The following COG2 variants were observed in gnomAD, a reference collection of about 807,000 sequenced individuals.
COG2 encodes component of oligomeric golgi complex 2.
In COG2, 52 loss-of-function variants were observed where a neutral mutation model predicts 90.6. The observed-to-expected ratio is 0.57, with a 90% CI of 0.46 to 0.72. COG2 has a LOEUF of 0.72. Ranked by LOEUF, COG2 falls within the 30% of genes least tolerant of loss-of-function variation. The probability of loss-of-function intolerance (pLI) is 0.00; values close to 1 mark genes in which losing one functional copy is unlikely to be tolerated. For missense variants in COG2, 829 were observed against 891.2 expected, an observed-to-expected ratio of 0.93 and a Z score of 0.89; for synonymous variants, 337 against 320.4, an observed-to-expected ratio of 1.05 and a Z score of -0.55.
At chr1:230,683,434 G>T in intron 10 of COG2, 140 bp from the exon 11 acceptor site, 1 of 569,664 alleles carries the variant, frequency 1.8e-6, no homozygotes, top group Non-Finnish European at 3.1e-6. Flanking sequence ...AAAAAAGCCT[G>T]GGAGAATAGG....
chr1:230,691,208 TAC>T (rs1663017491), intron 16 of COG2, among the ~76,000 whole-genome samples, 174 bp from the exon 17 acceptor site: 1 of 152,074 alleles, frequency 6.6e-6, no homozygotes, highest in Non-Finnish European at 1.5e-5. Flanking sequence ...TGTATATATA[TAC>T]ACATATATAT....
chr1:230,683,409 TAAAAAAAAAAA>T (rs5781595), intron 10 of COG2, 154 bp from the exon 11 acceptor site: 3 of 384,962 alleles, frequency 7.8e-6, no homozygotes, highest in East Asian at 9.0e-5. Context: ...CTTGTTCAGT[TAAAAAAAAAAA>T]AAAAAAAAAG....
Position 230,680,704 on chromosome 1 carries a change from G to T in COG2, c.1166+1652G>T, listed in dbSNP as rs560176460. On this transcript the variant is annotated intron_variant, in intron 10 of 17. Coordinates refer to ENST00000366669, the MANE Select transcript of COG2 (RefSeq NM_007357.3). ...AATTCATGAAATTTTAAAAAAACAC[G>T]TTTGAGTTACGGAAGTGTAGAACTT... is the stretch of plus-strand genomic sequence containing the variant. The T allele has an allele frequency of 2.0e-5, 3 of 152,192 alleles. No homozygotes were observed. The East Asian group carries it at 5.8e-4, about 29-fold the overall frequency. The allele number at this position is 152,192 out of a possible 1,614,324, so 9.4% of individuals were successfully genotyped here. A position where few individuals can be genotyped will look rare whatever the true frequency, so the allele number is the denominator to read the frequency against.
intron 1 of COG2, among the ~76,000 whole-genome samples, chr1:230,656,301 G>A (rs1207715660): frequency 6.6e-6 from 1 of 152,104 alleles, no homozygotes; most frequent in East Asian, 1.9e-4. Flanking sequence ...ATTCTGGTAC[G>A]TTGTGTCTTC....
At chr1:230,644,788 T>C (rs951185193) in intron 1 of COG2, among the ~76,000 whole-genome samples, 4 of 152,262 alleles carry the variant, frequency 2.6e-5, no homozygotes, top group Middle Eastern at 3.4e-3. Context: ...CATTGTGGAG[T>C]TACAGTCAGG....
At chr1:230,646,513 C>T (rs896216277) in intron 1 of COG2, among the ~76,000 whole-genome samples, 2 of 152,176 alleles carry the variant, frequency 1.3e-5, no homozygotes, top group Non-Finnish European at 2.9e-5. Flanking sequence ...ATGCTGTGCA[C>T]TTTCCGCAGG....
At chr1:230,691,293 A>G in intron 16 of COG2, 91 bp from the exon 17 acceptor site, 1 of 1,168,904 alleles carries the variant, frequency 8.6e-7, no homozygotes, top group Non-Finnish European at 1.2e-6. Flanking sequence ...TTATCTTAAA[A>G]ATCTCTTTTT....
At chr1:230,687,883 T>G (rs1466179300) in intron 13 of COG2, 188 bp from the exon 14 acceptor site, 1 of 540,704 alleles carries the variant, frequency 1.8e-6, no homozygotes, top group Admixed American at 3.8e-5. Context: ...TGATTTCTCA[T>G]GTTGTTGAAA....
At chr1:230,673,911 T>A (rs566967195) in intron 8 of COG2, among the ~76,000 whole-genome samples, 285 of 152,356 alleles carry the variant, frequency 1.9e-3, no homozygotes, top group Middle Eastern at 3.4e-3. Context: ...TTTAAAAAAA[T>A]TTATTTTAAT....
chr1:230,669,313 T>TA, intron 6 of COG2, 43 bp from the exon 7 acceptor site: 2 of 1,569,778 alleles, frequency 1.3e-6, no homozygotes, highest in South Asian at 2.3e-5. Flanking sequence ...CAGAAACTGT[T>TA]ACAACTAGAG....
chr1:230,658,254 A>G (rs1571946388), intron 1 of COG2, among the ~76,000 whole-genome samples: 2 of 151,882 alleles, frequency 1.3e-5, no homozygotes, highest in African/African-American at 4.8e-5. Context: ...GGAGTCTTTG[A>G]GTGGACATGC....
rs1007068430 is a variant in COG2, at chr1:230,692,024, A to G, written c.2115+460A>G. Among the ~76,000 whole-genome samples, 4 of 152,240 alleles carry G rather than the reference A, an allele frequency of 2.6e-5. No homozygotes were observed. The East Asian group carries it at 7.7e-4, about 29-fold the overall frequency. On this transcript the variant is annotated intron_variant, in intron 17 of 17. Coordinates refer to ENST00000366669, the MANE Select transcript of COG2 (RefSeq NM_007357.3). Reference sequence around the variant, plus strand: ...TTTGTAGCTTTCCTATAAAACACAAATTTTAGAATCATGGCACGTAGTTGA... The same window carrying G: ...TTTGTAGCTTTCCTATAAAACACAAGTTTTAGAATCATGGCACGTAGTTGA...
At chr1:230,655,051 A>G (rs1662015567) in intron 1 of COG2, among the ~76,000 whole-genome samples, 1 of 152,202 alleles carries the variant, frequency 6.6e-6, no homozygotes, top group South Asian at 2.1e-4. Context: ...AACAGAGACA[A>G]TTTGACTTCC....
intron 7 of COG2, chr1:230,670,950 A>G (rs1662433827): frequency 6.6e-6 from 1 of 151,190 alleles, no homozygotes; most frequent in Non-Finnish European, 1.5e-5. Context: ...TTCCTTTTTC[A>G]CGGAACTGAA....
At chr1:230,678,789 G>A in intron 9 of COG2, 124 bp from the exon 10 acceptor site, 1 of 1,560,538 alleles carries the variant, frequency 6.4e-7, no homozygotes, top group Non-Finnish European at 8.6e-7. Flanking sequence ...TAAGTTCCTT[G>A]TTAACTCTAG....
chr1:230,691,666 T>C, intron 17 of COG2, 102 bp downstream of exon 17: 3 of 1,106,178 alleles, frequency 2.7e-6, no homozygotes, highest in Non-Finnish European at 3.9e-6. Context: ...GCTGTCGCAG[T>C]GGCTAGGGAA....
intron 16 of COG2, among the ~76,000 whole-genome samples, chr1:230,690,835 G>A (rs1446164971): frequency 6.6e-6 from 1 of 152,148 alleles, no homozygotes; most frequent in Non-Finnish European, 1.5e-5. Flanking sequence ...TATTTCAGAT[G>A]CCAAGTAACC....
At chr1:230,691,004 G>A (rs1022270006) in intron 16 of COG2, among the ~76,000 whole-genome samples, 1 of 152,084 alleles carries the variant, frequency 6.6e-6, no homozygotes, top group Non-Finnish European at 1.5e-5. Context: ...CTTGTTACTT[G>A]ATCTGGGGCA....
intron 10 of COG2, chr1:230,680,619 T>C (rs967531377): frequency 6.6e-6 from 1 of 152,230 alleles, no homozygotes; most frequent in Non-Finnish European, 1.5e-5. Context: ...TTCACCAGAT[T>C]TCAGCCTTAA....
Sources: allele counts gnomAD v4.1 joint callset (sites outside exome capture counted in the v4.1 genomes callset), GRCh38; gene constraint gnomAD v4.1.1; transcripts MANE v1.5; gene names NCBI Gene and HGNC (gene_info 2026-07-23, HGNC 2026-07-21).